The following PTPRM variants were observed in gnomAD, a reference collection of about 807,000 sequenced individuals.
PTPRM encodes the protein protein tyrosine phosphatase receptor type M, also known as receptor-type tyrosine-protein phosphatase mu.
A neutral mutation model predicts 186.7 loss-of-function variants in PTPRM; 47 were observed. The ratio of observed to expected loss-of-function variants is 0.25; its 90% CI spans 0.20 to 0.32. The LOEUF is 0.32. Ranked by LOEUF, PTPRM falls within the 10% of genes least tolerant of loss-of-function variation. The pLI is 1.00. For synonymous variants in PTPRM, 668 were observed against 674.9 expected, an observed-to-expected ratio of 0.99 and a Z score of 0.16; for missense variants, 1,494 against 1,865.0, an observed-to-expected ratio of 0.80 and a Z score of 3.66.
intron 1 of PTPRM, among the ~76,000 whole-genome samples, chr18:7,658,751 C>T (rs1294925809): frequency 6.6e-6 from 1 of 152,144 alleles, no homozygotes; most frequent in African/African-American, 2.4e-5. Context: ...TGCTGTTTTT[C>T]TCACATGAAG....
chr18:7,952,727 C>T (rs1185133286), intron 6 of PTPRM, among the ~76,000 whole-genome samples: 1 of 151,846 alleles, frequency 6.6e-6, no homozygotes, highest in South Asian at 2.1e-4. Flanking sequence ...AAATGTTGGC[C>T]GGGCGTGGTG....
At chr18:7,665,222 G>A (rs1598330317) in intron 1 of PTPRM, among the ~76,000 whole-genome samples, 2 of 152,066 alleles carry the variant, frequency 1.3e-5, no homozygotes, top group African/African-American at 4.8e-5. Context: ...TATGTATTTC[G>A]ATAGAAATGA....
chr18:7,682,664 C>A (rs2039505823), intron 1 of PTPRM, among the ~76,000 whole-genome samples: 1 of 152,186 alleles, frequency 6.6e-6, no homozygotes, highest in South Asian at 2.1e-4. Flanking sequence ...TTTATGACCT[C>A]TTTGAGTTAG....
intron 2 of PTPRM, among the ~76,000 whole-genome samples, chr18:7,853,884 C>T (rs1477187702): frequency 6.6e-6 from 1 of 152,060 alleles, no homozygotes; most frequent in Admixed American, 6.6e-5. Context: ...AATTGTTAGT[C>T]AGTGGAATTA....
intron 2 of PTPRM, among the ~76,000 whole-genome samples, chr18:7,774,663 T>C (rs2042495076): frequency 6.6e-6 from 1 of 152,142 alleles, no homozygotes; most frequent in Non-Finnish European, 1.5e-5. Flanking sequence ...TTTCTTAGCC[T>C]CAGGGGCTCC....
At chr18:8,082,751 A>G (rs1180291114) in intron 9 of PTPRM, among the ~76,000 whole-genome samples, 1 of 151,448 alleles carries the variant, frequency 6.6e-6, no homozygotes, top group Non-Finnish European at 1.5e-5. Flanking sequence ...ATATCATCTC[A>G]ATGTTCATCA....
intron 22 of PTPRM, among the ~76,000 whole-genome samples, chr18:8,322,305 G>A (rs187265419): frequency 1.1e-3 from 169 of 152,214 alleles, no homozygotes; most frequent in Admixed American, 3.8e-3. Context: ...TTTTCTAGCT[G>A]TAACTGACTT....
At chr18:8,248,565 A>T (rs773931634) in intron 17 of PTPRM, among the ~76,000 whole-genome samples, 1 of 152,242 alleles carries the variant, frequency 6.6e-6, no homozygotes, top group Non-Finnish European at 1.5e-5. Context: ...AAGTGAAAAT[A>T]GCTTCTCATT....
At chr18:7,983,569 G>GA (rs1173124173) in intron 7 of PTPRM, among the ~76,000 whole-genome samples, 1 of 152,100 alleles carries the variant, frequency 6.6e-6, no homozygotes, top group Non-Finnish European at 1.5e-5. Context: ...TTCTGTGTAA[G>GA]ACCTAAATCT....
chr18:8,131,188 T>G (rs1248475048), intron 13 of PTPRM, among the ~76,000 whole-genome samples: 3 of 152,176 alleles, frequency 2.0e-5, no homozygotes, highest in Admixed American at 6.5e-5. Flanking sequence ...CTTGATAGTA[T>G]GTAGGGTATT....
chr18:8,379,395 A>G (rs1598511089), intron 28 of PTPRM, 55 bp downstream of exon 28: 1 of 1,506,432 alleles, frequency 6.6e-7, no homozygotes, highest in East Asian at 2.4e-5. Flanking sequence ...GGGAGACTGC[A>G]GAACAGGCTT....
At chr18:7,580,599 T>C (rs947203586) in intron 1 of PTPRM, among the ~76,000 whole-genome samples, 2 of 152,276 alleles carry the variant, frequency 1.3e-5, no homozygotes, top group Admixed American at 6.5e-5. Context: ...TAACCATATA[T>C]TGAGCACTAA....
At chr18:8,008,665 T>C (rs1377269220) in intron 7 of PTPRM, among the ~76,000 whole-genome samples, 3 of 152,128 alleles carry the variant, frequency 2.0e-5, no homozygotes, top group African/African-American at 4.8e-5. Flanking sequence ...GAATGTTATT[T>C]TTCCTTTTCT....
chr18:8,146,501 G>GTT (rs56070404), intron 14 of PTPRM, among the ~76,000 whole-genome samples: 23,981 of 149,148 alleles, frequency 0.16, 1,991 homozygotes, highest in Middle Eastern at 0.26. Context: ...TAATGGGATT[G>GTT]TTTTTTTTTT....
At chr18:7,616,478 C>T (rs1261505236) in intron 1 of PTPRM, among the ~76,000 whole-genome samples, 2 of 152,148 alleles carry the variant, frequency 1.3e-5, no homozygotes, top group Non-Finnish European at 2.9e-5. Context: ...AGATCTCACT[C>T]CACACCTGAC....
chr18:7,598,088 A>G (rs1228648552), intron 1 of PTPRM, among the ~76,000 whole-genome samples: 1 of 152,238 alleles, frequency 6.6e-6, no homozygotes, highest in Non-Finnish European at 1.5e-5. Context: ...CATATTTGTG[A>G]ATGAAACCAA....
chr18:8,171,882 T>TA (rs2093406282), intron 14 of PTPRM, among the ~76,000 whole-genome samples: 1 of 152,152 alleles, frequency 6.6e-6, no homozygotes, highest in Admixed American at 6.5e-5. Context: ...GCCTAAGTGT[T>TA]GGGGAAAATC....
At chr18:8,344,474 A>ATATATATATATATATATATATCTC (rs1318982857) in intron 23 of PTPRM, among the ~76,000 whole-genome samples, 4 of 147,292 alleles carry the variant, frequency 2.7e-5, no homozygotes, top group African/African-American at 1.0e-4. Context: ...ATATATATAT[A>ATATATATATATATATATATATCTC]TCTAGCAAAA....
chr18:8,037,798 C>T (rs944728667), intron 7 of PTPRM, among the ~76,000 whole-genome samples: 10 of 152,098 alleles, frequency 6.6e-5, no homozygotes, highest in African/African-American at 2.2e-4. Flanking sequence ...GGTCTGAGAT[C>T]GTGATGGACT....
Sources: allele counts gnomAD v4.1 joint callset (sites outside exome capture counted in the v4.1 genomes callset), GRCh38; gene constraint gnomAD v4.1.1; transcripts MANE v1.5; gene names NCBI Gene and HGNC (gene_info 2026-07-23, HGNC 2026-07-21).